Variants in ROBO2 observed in about 807,000 individuals in gnomAD.
ROBO2 encodes roundabout guidance receptor 2, also known as roundabout homolog 2.
A neutral mutation model predicts 160.8 loss-of-function variants in ROBO2; 53 were observed. The ratio of observed to expected loss-of-function variants is 0.33; its 90% CI spans 0.26 to 0.41. The LOEUF is 0.41. Among genes scored for constraint, ROBO2 ranks in the 10% least tolerant of loss-of-function variants. The pLI, the probability that ROBO2 is intolerant of heterozygous loss-of-function variation, is 1.00. For synonymous variants in ROBO2, 664 were observed against 611.7 expected (o/e 1.09, Z -1.26); for missense variants, 1,577 against 1,722.4 (o/e 0.92, Z 1.49).
chr3:77,153,697 A>G (rs1437924418), intron 2 of ROBO2, among the ~76,000 whole-genome samples: 1 of 152,062 alleles, frequency 6.6e-6, no homozygotes, highest in Non-Finnish European at 1.5e-5. Flanking sequence ...CAACAATTCT[A>G]CCAACACGCA....
intron 2 of ROBO2, among the ~76,000 whole-genome samples, chr3:76,672,378 C>G (rs192132429): frequency 6.6e-6 from 1 of 152,154 alleles, no homozygotes; most frequent in African/African-American, 2.4e-5. Flanking sequence ...TAGACAATAT[C>G]TTTATTTTGG....
chr3:76,029,268 TTTG>T (rs560153319), intron 2 of ROBO2, among the ~76,000 whole-genome samples: 87 of 152,176 alleles, frequency 5.7e-4, no homozygotes, highest in African/African-American at 2.0e-3. Context: ...TCTATTTGTT[TTTG>T]TTAACTGTGT....
At chr3:76,635,585 A>G (rs965825276) in intron 2 of ROBO2, among the ~76,000 whole-genome samples, 1 of 152,188 alleles carries the variant, frequency 6.6e-6, no homozygotes, top group African/African-American at 2.4e-5. Context: ...ACCAGCTTTC[A>G]TGCTTACTCT....
chr3:76,999,395 A>T (rs1354626179), intron 2 of ROBO2, among the ~76,000 whole-genome samples: 1 of 152,100 alleles, frequency 6.6e-6, no homozygotes, highest in Non-Finnish European at 1.5e-5. Flanking sequence ...ACTCCAGATA[A>T]TAGTTTTCTT....
chr3:76,327,650 G>A (rs74544102), intron 2 of ROBO2, among the ~76,000 whole-genome samples: 2 of 151,606 alleles, frequency 1.3e-5, no homozygotes, highest in African/African-American at 2.4e-5. Flanking sequence ...AATTTTGAAT[G>A]GCTTAAATAT....
At chr3:76,781,049 T>C (rs925187379) in intron 2 of ROBO2, among the ~76,000 whole-genome samples, 1 of 150,810 alleles carries the variant, frequency 6.6e-6, no homozygotes, top group African/African-American at 2.4e-5. Flanking sequence ...TTCACAAATA[T>C]GAAATATTTT....
chr3:77,573,580 G>A (rs2093689691), intron 13 of ROBO2, among the ~76,000 whole-genome samples: 1 of 151,954 alleles, frequency 6.6e-6, no homozygotes, highest in Non-Finnish European at 1.5e-5. Context: ...TTAATATTTG[G>A]TAATGGGCAT....
intron 2 of ROBO2, among the ~76,000 whole-genome samples, chr3:76,975,666 CCT>C (rs905562969): frequency 1.3e-5 from 2 of 152,038 alleles, no homozygotes; most frequent in African/African-American, 4.8e-5. Context: ...TAATTCTTCC[CCT>C]GAGAAACATA....
chr3:77,107,957 T>G (rs1426951950), intron 2 of ROBO2, among the ~76,000 whole-genome samples: 2 of 152,188 alleles, frequency 1.3e-5, no homozygotes. Context: ...TTGCTTTCTT[T>G]GCTTATTCAA....
At chr3:76,160,261 A>G (rs549617370) in intron 2 of ROBO2, among the ~76,000 whole-genome samples, 1 of 152,270 alleles carries the variant, frequency 6.6e-6, no homozygotes, top group African/African-American at 2.4e-5. Context: ...GAAATGCTTC[A>G]GAACTTGATT....
chr3:77,607,589 G>A (rs142217049), intron 20 of ROBO2, among the ~76,000 whole-genome samples: 59 of 152,096 alleles, frequency 3.9e-4, no homozygotes, highest in African/African-American at 1.3e-3. Flanking sequence ...ATTCAGCTCT[G>A]CTGTTAATGC....
At chr3:76,192,041 T>A (rs1391312335) in intron 2 of ROBO2, among the ~76,000 whole-genome samples, 1 of 152,126 alleles carries the variant, frequency 6.6e-6, no homozygotes, top group Non-Finnish European at 1.5e-5. Context: ...TTTCCAACAG[T>A]AACCTCACCT....
In ROBO2 at chr3:76,294,950, A is replaced by C. The variant is rs1464153911; in HGVS notation, c.109+357348A>C. On this transcript the variant is annotated intron_variant, in intron 2 of 26. Coordinates refer to the ROBO2 transcript ENST00000487694. ...GGTGTCTCTTGTTTACAGGCAGGTA[A>C]GATGTTCCAGCCCTCTCTGGCTGAG... Among the ~76,000 whole-genome samples the C allele has an allele frequency of 2.0e-5, 3 of 152,312 alleles. No homozygotes were observed. The South Asian group carries it at 6.2e-4, about 32-fold the overall frequency.
chr3:76,095,411 TAATAA>T lies in ROBO2; in HGVS notation c.109+157812_109+157816del, dbSNP rs113704128. On this transcript the variant is annotated intron_variant, in intron 2 of 26. Coordinates refer to the ROBO2 transcript ENST00000487694. Reference sequence around the variant, plus strand: ...ACTAAACCAAAAAGGAAAGATAATATAATAAAAGAAAAAAAATTAAATTTGTTACA... The same window carrying T: ...ACTAAACCAAAAAGGAAAGATAATATAAGAAAAAAAATTAAATTTGTTACA... 1.6e-4 allele frequency among the ~76,000 whole-genome samples: 25 copies of T among 151,812 alleles called. 1 individual carries two copies. The highest frequency in any genetic ancestry group is 5.8e-4 in the African/African-American group (24 of 41,408).
At chr3:76,306,928 A>G (rs1372414000) in intron 2 of ROBO2, among the ~76,000 whole-genome samples, 1 of 152,092 alleles carries the variant, frequency 6.6e-6, no homozygotes, top group Non-Finnish European at 1.5e-5. Context: ...TTCACTCCCC[A>G]TCATAATGCA....
At chr3:76,796,745 G>A (rs934850107) in intron 2 of ROBO2, among the ~76,000 whole-genome samples, 4 of 151,886 alleles carry the variant, frequency 2.6e-5, no homozygotes, top group African/African-American at 9.7e-5. Context: ...TCTAAATAAA[G>A]AGATGAAAAA....
At chr3:75,983,743 A>G (rs1174989993) in intron 2 of ROBO2, among the ~76,000 whole-genome samples, 1 of 151,350 alleles carries the variant, frequency 6.6e-6, no homozygotes, top group Non-Finnish European at 1.5e-5. Context: ...CACAGGGTAG[A>G]TATTTTGAAG....
At chr3:76,871,566 A>G (rs1482044733) in intron 2 of ROBO2, among the ~76,000 whole-genome samples, 1 of 151,896 alleles carries the variant, frequency 6.6e-6, no homozygotes, top group African/African-American at 2.4e-5. Flanking sequence ...AAAAAGAAAA[A>G]AAAAGAAAAA....
At chr3:76,322,423 AAT>A (rs1167559304) in intron 2 of ROBO2, among the ~76,000 whole-genome samples, 3 of 151,816 alleles carry the variant, frequency 2.0e-5, no homozygotes, top group Admixed American at 2.0e-4. Flanking sequence ...TGGAGCCTCA[AAT>A]ATATGTTCTA....
Sources: gnomAD v4.1 joint callset for allele counts (sites outside exome capture counted in the v4.1 genomes callset) on GRCh38, gnomAD v4.1.1 for gene constraint, MANE v1.5 for transcripts, NCBI Gene and HGNC (gene_info 2026-07-23, HGNC 2026-07-21) for gene names.